The following SBF1 variants were observed in gnomAD, a reference collection of about 807,000 sequenced individuals.
SBF1 encodes myotubularin-related protein 5.
In SBF1, 65 loss-of-function variants were observed where a neutral mutation model predicts 215.8. That is an observed-to-expected ratio of 0.30 (90% CI 0.25 to 0.37). The LOEUF is 0.37. SBF1 is among the 10% of genes least tolerant of loss of function. The pLI is 1.00. For synonymous variants in SBF1, 1,410 were observed against 1,122.8 expected (o/e 1.26, Z -5.11); for missense variants, 2,634 against 2,667.8 (o/e 0.99, Z 0.28).
intron 5 of SBF1, 47 bp from the exon 6 acceptor site, chr22:50,466,757 C>T: frequency 7.4e-7 from 1 of 1,343,022 alleles, no homozygotes; most frequent in African/African-American, 1.5e-5. Context: ...CCAGAGCCAG[C>T]CCAGAGTCAG....
In SBF1 at chr22:50,459,663, G is replaced by A. The variant is rs1193778463; in HGVS notation, c.3495C>T (p.Tyr1165=). 1.9e-6 allele frequency: 3 copies of A among 1,603,276 alleles called. No homozygotes were observed. In the East Asian group the frequency reaches 6.7e-5, roughly 36 times the overall value. Residue 1165 remains tyrosine (Y), a synonymous_variant, in exon 27 of 41, where the codon TAC becomes TAT. Coordinates refer to ENST00000380817, the MANE Select transcript of SBF1 (RefSeq NM_002972.4). ...VNRMYAICRS[Y]PGLLIVPQSV... Reference sequence around the variant, plus strand: ...TCTGGGGCACGATCAGCAGCCCTGGGTAGCTGAGAGGAGGCAGAGGCGTGA... The same window carrying A: ...TCTGGGGCACGATCAGCAGCCCTGGATAGCTGAGAGGAGGCAGAGGCGTGA...
rs749413495 is a variant in SBF1, at chr22:50,462,070, C to A, written c.2446G>T (p.Asp816Tyr). 6.2e-7 allele frequency: 1 copy of A among 1,614,126 alleles called. No individual in the cohort carries two copies. The highest frequency in any genetic ancestry group is 1.1e-5 in the South Asian group (1 of 91,090). ...ESYDTESGFE[D>Y]AETCDVAGAV... ...CCAGCTACGTCGCAGGTCTCTGCAT[C>A]CTCGAAGCCGCTCTCCGTGTCATAG... is the stretch of plus-strand genomic sequence containing the variant. Residue 816 changes from aspartate to tyrosine, a missense_variant, in exon 20 of 41, where the codon GAT becomes TAT. Transcript: ENST00000380817.
At position 50,454,476 on chromosome 22, in the gene SBF1, G is replaced by A. The variant is rs1368044012; in HGVS notation, c.5043+36C>T. On this transcript the variant is annotated intron_variant, in intron 36 of 40. Transcript: ENST00000380817. ...CTGGTGTCTGAGCGAGAGGAGGGGG[G>A]TGCCAGGCCAGACCCTGCTCTGGGA... 13 of 1,556,350 alleles carry A rather than the reference G, an allele frequency of 8.4e-6. No individual in the cohort carries two copies. The East Asian group carries it at 9.0e-5, about 11-fold the overall frequency.
chr22:50,448,093 C>T, intron 38 of SBF1, 140 bp downstream of exon 38: 1 of 755,852 alleles, frequency 1.3e-6, no homozygotes, highest in Non-Finnish European at 2.1e-6. Context: ...ACCAGTTCGA[C>T]ACCCCAAACC....
chr22:50,454,606 T>C lies in SBF1; in HGVS notation c.4949A>G (p.Asp1650Gly). Residue 1650 changes from aspartate (D) to glycine (G), a missense_variant, in exon 36 of 41, where the codon GAT (aspartate) becomes GGT (glycine). Transcript: ENST00000380817. The part of the protein sequence containing the change: ...PPEPPEEERS[D>G]GGAPQSRRRV... ...GCGCCTGCTCTGGGGAGCGCCTCCATCAGACCGTTCTTCCTCTGGGGGTTC... is the reference window on the plus strand; with the variant it reads ...GCGCCTGCTCTGGGGAGCGCCTCCACCAGACCGTTCTTCCTCTGGGGGTTC... 6.2e-7 allele frequency: 1 copy of C among 1,608,832 alleles called. No homozygotes were observed. Among genetic ancestry groups the C allele is most frequent in the African/African-American group, 1.3e-5 (1 of 74,930 alleles).
chr22:50,462,850 T>C lies in SBF1; in HGVS notation c.1968+20A>G. The C allele has an allele frequency of 6.2e-7, 1 of 1,612,478 alleles. No individual in the cohort carries two copies. The highest frequency in any genetic ancestry group is 8.5e-7 in the Non-Finnish European group (1 of 1,179,456). ...GGAAGGGGGGGCTGGGAAGGAGACC[T>C]CAGCCATGCCAGCACTCACCCGGCA... is the stretch of plus-strand genomic sequence containing the variant. On this transcript the variant is annotated intron_variant, in intron 17 of 40. Coordinates refer to ENST00000380817, the MANE Select transcript of SBF1 (RefSeq NM_002972.4).
intron 28 of SBF1, 61 bp from the exon 29 acceptor site, chr22:50,457,172 G>C: frequency 1.5e-6 from 2 of 1,362,626 alleles, no homozygotes; most frequent in South Asian, 1.6e-5. Flanking sequence ...GCCCAGCTTG[G>C]GGGTGCCTAC....
chr22:50,447,644 G>T, intron 38 of SBF1, 35 bp from the exon 39 acceptor site: 1 of 1,495,416 alleles, frequency 6.7e-7, no homozygotes, highest in Non-Finnish European at 9.2e-7. Context: ...CAGGCTGACC[G>T]TCATGGCCCA....
intron 31 of SBF1, 93 bp downstream of exon 31, chr22:50,456,123 G>A (rs2067236106): frequency 8.9e-6 from 12 of 1,349,120 alleles, no homozygotes; most frequent in Non-Finnish European, 1.2e-5. Flanking sequence ...GCTCCACACT[G>A]TCAGACAAGC....
In SBF1 at chr22:50,446,481, T is replaced by G. The variant is rs549319267; in HGVS notation, c.*661A>C. On this transcript the variant is annotated 3_prime_UTR_variant, in exon 41 of 41. Transcript: ENST00000380817. ...TGGGGTCAAATGACCACCCACCCTT[T>G]CACCCCCAAGCCTCTGTGAGGTCAG... 229 of 200,002 alleles carry G rather than the reference T, an allele frequency of 1.1e-3. No individual in the cohort carries two copies. Among genetic ancestry groups the G allele is most frequent in the Non-Finnish European group, 2.0e-3 (192 of 95,810 alleles). The allele number at this position is 200,002 out of a possible 1,614,324, so 12.4% of individuals were successfully genotyped here.
chr22:50,462,824 A>G, intron 17 of SBF1, 46 bp downstream of exon 17: 1 of 1,606,518 alleles, frequency 6.2e-7, no homozygotes. Context: ...CTCAGCCACC[A>G]GGAAGGGGGG....
At position 50,467,468 on chromosome 22, in the gene SBF1, G is replaced by A. The variant is rs375091908; in HGVS notation, c.439-20C>T. 9.9e-6 allele frequency: 16 copies of A among 1,613,910 alleles called. No homozygotes were observed. In the African/African-American group the frequency reaches 1.7e-4, roughly 17 times the overall value. ...GCTGTTCTGCAATGACCAGAGCGGG[G>A]AGTGGTGGGACAGCCGATGGAAGCA... On this transcript the variant is annotated intron_variant, in intron 4 of 40. Coordinates refer to ENST00000380817, the MANE Select transcript of SBF1 (RefSeq NM_002972.4).
Position 50,465,801 on chromosome 22 carries a change from G to A in SBF1, c.1051C>T (p.Pro351Ser), listed in dbSNP as rs374863515. Residue 351 changes from proline (P) to serine (S), a missense_variant, in exon 10 of 41, where the codon CCT becomes TCT. Coordinates refer to ENST00000380817, the MANE Select transcript of SBF1 (RefSeq NM_002972.4). ...PELELADLAF[P>S]PPTTSTSSLK... ...GAGGAGGTGGATGTCGTGGGCGGAG[G>A]GAAGGCGAGGTCAGCCAACTCCAGC... is the stretch of plus-strand genomic sequence containing the variant. 3 of 1,611,498 alleles carry A rather than the reference G, an allele frequency of 1.9e-6. No homozygotes were observed. The highest frequency in any genetic ancestry group is 4.5e-5 in the East Asian group (2 of 44,860).
At chr22:50,452,049 G>A (rs1387564579) in intron 36 of SBF1, among the ~76,000 whole-genome samples, 1 of 151,014 alleles carries the variant, frequency 6.6e-6, no homozygotes, top group African/African-American at 2.4e-5. Flanking sequence ...ACCTGCCTCA[G>A]CCTCCCAAAG....
In SBF1 at chr22:50,461,298, C is replaced by A; in HGVS notation, c.2840-12G>T. 6.3e-7 allele frequency: 1 copy of A among 1,595,690 alleles called. No homozygotes were observed. Among genetic ancestry groups the A allele is most frequent in the Non-Finnish European group, 8.5e-7 (1 of 1,170,530 alleles). On this transcript the variant is annotated splice_polypyrimidine_tract_variant and intron_variant, in intron 22 of 40. Coordinates refer to ENST00000380817, the MANE Select transcript of SBF1 (RefSeq NM_002972.4). ...CACCTGCTCCCCAACTTAGGACAGG[C>A]CAGGCAGAGTCAGAAGCAAGGAAGG...
At chr22:50,463,177 G>T in intron 16 of SBF1, 106 bp downstream of exon 16, 2 of 1,444,080 alleles carry the variant, frequency 1.4e-6, no homozygotes, top group Non-Finnish European at 1.9e-6. Flanking sequence ...ACTGGCACAG[G>T]AGTCTCTTGC....
chr22:50,457,844 G>A (rs2067317285), intron 28 of SBF1, among the ~76,000 whole-genome samples: 2 of 152,246 alleles, frequency 1.3e-5, no homozygotes, highest in Admixed American at 6.5e-5. Context: ...GAGAGGCAAT[G>A]TCCCCTCGTC....
In SBF1 at chr22:50,466,364, A is replaced by G. The variant is rs780559477; in HGVS notation, c.774T>C (p.Phe258=). ...GCAGGGGTCACCTGTATCTGAGAGG[A>G]AACAGCAGTGCCAGGAGGCCCCTAC... The part of the protein sequence containing the change: ...DACRGLLALL[F]PLRYSFTYVP... Residue 258 remains phenylalanine, a synonymous_variant, in exon 7 of 41, where the codon TTT becomes TTC. Transcript: ENST00000380817. 124 of 1,563,996 alleles carry G rather than the reference A, an allele frequency of 7.9e-5. No homozygotes were observed. Among genetic ancestry groups the G allele is most frequent in the Non-Finnish European group, 1.0e-4 (118 of 1,154,520 alleles).
In SBF1 at chr22:50,463,221, C is replaced by G. The variant is rs1603433211; in HGVS notation, c.1899+62G>C. On this transcript the variant is annotated intron_variant, in intron 16 of 40. Transcript: ENST00000380817. The stretch of plus-strand genomic sequence containing the variant: ...TCCACTCTCACTCACAGACCAGGGT[C>G]TGCCCGCCTGTTCCCGCTCATGCGC... The G allele has an allele frequency of 2.5e-6, 4 of 1,594,552 alleles. No homozygotes were observed. In the East Asian group the frequency reaches 9.1e-5, roughly 36 times the overall value.
Sources: gnomAD v4.1 joint callset for allele counts (sites outside exome capture counted in the v4.1 genomes callset) on GRCh38, gnomAD v4.1.1 for gene constraint, MANE v1.5 for transcripts, NCBI Gene and HGNC (gene_info 2026-07-23, HGNC 2026-07-21) for gene names.